The following ADAM22 variants were observed in gnomAD, a reference collection of about 807,000 sequenced individuals.
ADAM22 encodes ADAM metallopeptidase domain 22, also known as disintegrin and metalloproteinase domain-containing protein 22.
A neutral mutation model predicts 144.6 loss-of-function variants in ADAM22; 65 were observed. The observed-to-expected ratio is 0.45, with a 90% CI of 0.37 to 0.55. ADAM22 has a LOEUF of 0.55. Among genes scored for constraint, ADAM22 ranks in the 20% least tolerant of loss-of-function variants. The pLI, the probability that ADAM22 is intolerant of heterozygous loss-of-function variation, is 0.00. For synonymous variants in ADAM22, 391 were observed against 412.6 expected (o/e 0.95, Z 0.63); for missense variants, 974 against 1,184.9 (o/e 0.82, Z 2.61).
At chr7:87,994,993 A>C (rs997974337) in intron 3 of ADAM22, among the ~76,000 whole-genome samples, 4 of 151,902 alleles carry the variant, frequency 2.6e-5, no homozygotes, top group Non-Finnish European at 5.9e-5. Context: ...GCGCCTGGCT[A>C]ATTTTTTTTT....
intron 9 of ADAM22, 39 bp downstream of exon 9, chr7:88,128,715 G>A: frequency 6.5e-7 from 1 of 1,539,024 alleles, no homozygotes; most frequent in Admixed American, 1.7e-5. Flanking sequence ...TTTGTGCCTA[G>A]GGTAAAACTG....
At chr7:88,196,197 ACT>A (rs911289648) in intron 31 of ADAM22, among the ~76,000 whole-genome samples, 42 of 152,308 alleles carry the variant, frequency 2.8e-4, no homozygotes, top group African/African-American at 9.9e-4. Context: ...CACAATATTG[ACT>A]CTATTCAAAA....
chr7:87,985,186 G>A (rs576095775), intron 3 of ADAM22, among the ~76,000 whole-genome samples: 31 of 151,614 alleles, frequency 2.0e-4, no homozygotes, highest in Admixed American at 5.2e-4. Flanking sequence ...GGTGGCAGGC[G>A]CCTGTAGTCC....
At chr7:87,963,064 A>G (rs531137233) in intron 2 of ADAM22, among the ~76,000 whole-genome samples, 2 of 152,330 alleles carry the variant, frequency 1.3e-5, no homozygotes, top group African/African-American at 2.4e-5. Context: ...GTCTTTCCAG[A>G]TAATAAAAAT....
At chr7:88,177,454 A>G (rs1326212339) in intron 26 of ADAM22, among the ~76,000 whole-genome samples, 2 of 152,218 alleles carry the variant, frequency 1.3e-5, no homozygotes, top group Non-Finnish European at 2.9e-5. Flanking sequence ...AATAACTATT[A>G]TGAGCTGAAG....
At chr7:87,940,865 AC>A (rs1342062028) in intron 2 of ADAM22, among the ~76,000 whole-genome samples, 3 of 152,182 alleles carry the variant, frequency 2.0e-5, no homozygotes, top group African/African-American at 7.2e-5. Context: ...TAAAACTTAT[AC>A]TTTTACCTGG....
intron 26 of ADAM22, among the ~76,000 whole-genome samples, chr7:88,176,837 T>C (rs1845792885): frequency 6.6e-6 from 1 of 152,210 alleles, no homozygotes. Context: ...CGATCTCGGC[T>C]CACTGCAACC....
intron 30 of ADAM22, among the ~76,000 whole-genome samples, chr7:88,191,472 T>C (rs773141269): frequency 5.9e-5 from 9 of 152,244 alleles, no homozygotes; most frequent in Admixed American, 5.9e-4. Flanking sequence ...TTATCAGTAG[T>C]GATTAGGCTA....
chr7:88,015,052 A>G (rs143571067), intron 3 of ADAM22, among the ~76,000 whole-genome samples: 1 of 152,362 alleles, frequency 6.6e-6, no homozygotes, highest in Non-Finnish European at 1.5e-5. Context: ...TAAGAGTTCA[A>G]CATACACTGA....
chr7:88,161,145 A>C (rs961338606), intron 22 of ADAM22, among the ~76,000 whole-genome samples: 5 of 151,434 alleles, frequency 3.3e-5, no homozygotes, highest in Non-Finnish European at 4.4e-5. Context: ...CCCCCCACCC[A>C]AAAAAAATCA....
chr7:88,078,871 T>C (rs1815552862), intron 4 of ADAM22, among the ~76,000 whole-genome samples: 2 of 152,216 alleles, frequency 1.3e-5, no homozygotes, highest in African/African-American at 2.4e-5. Flanking sequence ...CTACGTCTAA[T>C]TGGTGTACCT....
At chr7:88,148,901 T>G in intron 17 of ADAM22, 76 bp from the exon 18 acceptor site, 2 of 1,135,618 alleles carry the variant, frequency 1.8e-6, no homozygotes, top group African/African-American at 1.6e-5. Context: ...CAATTTTCAT[T>G]TTGTTTTTTT....
intron 3 of ADAM22, among the ~76,000 whole-genome samples, chr7:88,006,022 C>G (rs1044589030): frequency 6.6e-6 from 1 of 152,030 alleles, no homozygotes; most frequent in Non-Finnish European, 1.5e-5. Flanking sequence ...AATCATTTCT[C>G]TTAAGGTAAT....
At chr7:87,993,577 C>T (rs1790416541) in intron 3 of ADAM22, among the ~76,000 whole-genome samples, 1 of 152,162 alleles carries the variant, frequency 6.6e-6, no homozygotes, top group South Asian at 2.1e-4. Flanking sequence ...ATGCCTCAGG[C>T]CATTCTAAAG....
intron 3 of ADAM22, among the ~76,000 whole-genome samples, chr7:88,047,666 ATAC>A (rs1426506735): frequency 3.3e-5 from 5 of 152,170 alleles, no homozygotes; most frequent in African/African-American, 7.2e-5. Flanking sequence ...AACATTGAAG[ATAC>A]TACTAATTAT....
intron 3 of ADAM22, among the ~76,000 whole-genome samples, chr7:88,054,682 C>T (rs1208267331): frequency 2.0e-5 from 3 of 150,606 alleles, no homozygotes; most frequent in Non-Finnish European, 3.0e-5. Context: ...TATTATGGTG[C>T]TCATCACTGT....
At chr7:87,967,119 G>T (rs1849315692) in intron 2 of ADAM22, among the ~76,000 whole-genome samples, 1 of 152,140 alleles carries the variant, frequency 6.6e-6, no homozygotes, top group Non-Finnish European at 1.5e-5. Flanking sequence ...CTTCTGCCAT[G>T]ACTGTAAGTT....
At chr7:88,066,003 T>A (rs1286539587) in intron 3 of ADAM22, among the ~76,000 whole-genome samples, 1 of 152,192 alleles carries the variant, frequency 6.6e-6, no homozygotes, top group Non-Finnish European at 1.5e-5. Context: ...ATTAGATTCT[T>A]AGGTACAAAG....
chr7:88,114,842 G>A (rs999005468), intron 6 of ADAM22, among the ~76,000 whole-genome samples, 195 bp downstream of exon 6: 13 of 152,132 alleles, frequency 8.5e-5, no homozygotes, highest in Non-Finnish European at 1.3e-4. Context: ...AATATTATAA[G>A]TAAAAAACGT....
Sources: gnomAD v4.1 joint callset for allele counts (sites outside exome capture counted in the v4.1 genomes callset) on GRCh38, gnomAD v4.1.1 for gene constraint, MANE v1.5 for transcripts, NCBI Gene and HGNC (gene_info 2026-07-23, HGNC 2026-07-21) for gene names.